The following PARP8 variants were observed in gnomAD, a reference collection of about 807,000 sequenced individuals.
PARP8 encodes the protein poly(ADP-ribose) polymerase family member 8.
In PARP8, 51 loss-of-function variants were observed where a neutral mutation model predicts 124.1. The ratio of observed to expected loss-of-function variants is 0.41; its 90% CI spans 0.33 to 0.52. The LOEUF (loss-of-function observed/expected upper bound fraction) is 0.52. Ranked by LOEUF, PARP8 falls within the 20% of genes least tolerant of loss-of-function variation. The pLI is 0.21. For missense variants in PARP8, 860 were observed against 1,018.9 expected (o/e 0.84, Z 2.12); for synonymous variants, 391 against 361.5 (o/e 1.08, Z -0.93).
intron 2 of PARP8, among the ~76,000 whole-genome samples, chr5:50,681,114 A>G (rs1321815942): frequency 6.6e-6 from 1 of 152,198 alleles, no homozygotes. Context: ...ATTTATTACC[A>G]TGGATATAAC....
intron 3 of PARP8, among the ~76,000 whole-genome samples, chr5:50,754,389 T>G (rs1206654855): frequency 1.3e-5 from 2 of 151,644 alleles, no homozygotes; most frequent in Non-Finnish European, 2.9e-5. Flanking sequence ...TGTGCCCATG[T>G]GTTCTCATTG....
rs1226367103 is a variant in PARP8, at chr5:50,709,949, T to TAC, written c.147-40201_147-40200insCA. On this transcript the variant is annotated intron_variant, in intron 2 of 25. Transcript: ENST00000281631. ...ATATATATATATATATATATATATATATATATACACATACATATATACACA... is the reference window on the plus strand; with the variant it reads ...ATATATATATATATATATATATATATACATATATACACATACATATATACACA... Among the ~76,000 whole-genome samples the TAC allele has an allele frequency of 1.5e-3, 151 of 100,378 alleles. 1 individual carries two copies. Among genetic ancestry groups the TAC allele is most frequent in the Middle Eastern group, 4.8e-3 (1 of 210 alleles). 65.9% of individuals were successfully genotyped at this position (100,378 alleles called of 152,430 possible). A position where few individuals can be genotyped will look rare whatever the true frequency, so the allele number is the denominator to read the frequency against.
chr5:50,753,164 G>A (rs370339557), intron 3 of PARP8, among the ~76,000 whole-genome samples: 1 of 151,834 alleles, frequency 6.6e-6, no homozygotes, highest in South Asian at 2.1e-4. Context: ...TTACACAATA[G>A]TTGTGTATAT....
chr5:50,788,426 A>G (rs1561381129), intron 9 of PARP8, 97 bp from the exon 10 acceptor site: 1 of 996,292 alleles, frequency 1.0e-6, no homozygotes, highest in Admixed American at 1.9e-5. Flanking sequence ...GTGTATATGT[A>G]TATGCACATA....
At chr5:50,813,829 A>G (rs2149686800) in intron 14 of PARP8, among the ~76,000 whole-genome samples, 1 of 152,212 alleles carries the variant, frequency 6.6e-6, no homozygotes, top group Middle Eastern at 3.4e-3. Context: ...ATGTACACGC[A>G]CACAGACACG....
chr5:50,725,802 A>G (rs1304717547), intron 2 of PARP8, among the ~76,000 whole-genome samples: 1 of 152,192 alleles, frequency 6.6e-6, no homozygotes, highest in Non-Finnish European at 1.5e-5. Flanking sequence ...TCTAAAATAT[A>G]ATCAGTGTGT....
At chr5:50,746,190 G>A (rs1262298914) in intron 2 of PARP8, among the ~76,000 whole-genome samples, 1 of 152,076 alleles carries the variant, frequency 6.6e-6, no homozygotes, top group Middle Eastern at 3.2e-3. Context: ...CATAATCTCT[G>A]ATTCCATTTA....
intron 3 of PARP8, among the ~76,000 whole-genome samples, chr5:50,757,466 C>A (rs1760091703): frequency 6.6e-6 from 1 of 151,984 alleles, no homozygotes; most frequent in Non-Finnish European, 1.5e-5. Context: ...TCTGATCTGG[C>A]CTATTATGTA....
At chr5:50,840,488 T>TA (rs925716708) in intron 25 of PARP8, among the ~76,000 whole-genome samples, 4 of 151,786 alleles carry the variant, frequency 2.6e-5, no homozygotes, top group Non-Finnish European at 4.4e-5. Flanking sequence ...ATGGAGAGCA[T>TA]AAAAAATAGC....
At chr5:50,707,219 G>A (rs746419010) in intron 2 of PARP8, among the ~76,000 whole-genome samples, 27 of 152,054 alleles carry the variant, frequency 1.8e-4, no homozygotes, top group Non-Finnish European at 3.8e-4. Context: ...CAATTCTTTA[G>A]ATACAGTATA....
intron 2 of PARP8, among the ~76,000 whole-genome samples, chr5:50,726,603 T>C (rs963482134): frequency 6.6e-6 from 1 of 152,172 alleles, no homozygotes; most frequent in Non-Finnish European, 1.5e-5. Context: ...ACAGCGATGA[T>C]TGAGGAAATT....
chr5:50,767,436 G>A lies in PARP8; in HGVS notation c.518+4194G>A, dbSNP rs1207827964. On this transcript the variant is annotated intron_variant, in intron 7 of 25. Transcript: ENST00000281631. ...GGAGGCACAGAGGGGAAAGAAAGGAGAGAGCATTTTCCCAAACCACGGGGA... is the reference window on the plus strand; with the variant it reads ...GGAGGCACAGAGGGGAAAGAAAGGAAAGAGCATTTTCCCAAACCACGGGGA... 2.0e-5 allele frequency among the ~76,000 whole-genome samples: 3 copies of A among 152,172 alleles called. No individual in the cohort carries two copies. The East Asian group carries it at 5.8e-4, about 29-fold the overall frequency.
intron 2 of PARP8, among the ~76,000 whole-genome samples, chr5:50,697,997 T>C (rs1344987599): frequency 6.6e-6 from 1 of 152,208 alleles, no homozygotes; most frequent in African/African-American, 2.4e-5. Flanking sequence ...AGAAAAGCCT[T>C]CTGTCTCTCT....
intron 3 of PARP8, among the ~76,000 whole-genome samples, chr5:50,751,850 A>T (rs1759299599): frequency 6.6e-6 from 1 of 152,082 alleles, no homozygotes; most frequent in East Asian, 1.9e-4. Flanking sequence ...TAATATGATA[A>T]TGTTTTCCCC....
At chr5:50,751,307 C>T (rs1326182785) in intron 3 of PARP8, among the ~76,000 whole-genome samples, 3 of 152,080 alleles carry the variant, frequency 2.0e-5, no homozygotes, top group African/African-American at 7.2e-5. Context: ...TGCCAATATA[C>T]AAACATTGAA....
intron 18 of PARP8, 74 bp from the exon 19 acceptor site, chr5:50,826,681 G>C: frequency 6.7e-7 from 1 of 1,486,690 alleles, no homozygotes; most frequent in Non-Finnish European, 8.9e-7. Context: ...AGTTTTAATC[G>C]GTTGCCAACT....
chr5:50,820,687 G>T (rs1437007302), intron 15 of PARP8, among the ~76,000 whole-genome samples: 1 of 152,176 alleles, frequency 6.6e-6, no homozygotes, highest in African/African-American at 2.4e-5. Context: ...ACAGCTTCTC[G>T]CCAGATGGTC....
intron 2 of PARP8, among the ~76,000 whole-genome samples, chr5:50,681,565 A>G (rs1489909642): frequency 2.6e-5 from 4 of 152,144 alleles, no homozygotes; most frequent in Admixed American, 2.6e-4. Flanking sequence ...TAAATCATCT[A>G]GGAACTTCAT....
intron 21 of PARP8, 40 bp from the exon 22 acceptor site, chr5:50,829,852 T>A: frequency 1.3e-6 from 2 of 1,552,264 alleles, no homozygotes; most frequent in Non-Finnish European, 1.7e-6. Flanking sequence ...ATTTAAACCA[T>A]GAACAGACCT....
Sources: allele counts gnomAD v4.1 joint callset (sites outside exome capture counted in the v4.1 genomes callset), GRCh38; gene constraint gnomAD v4.1.1; transcripts MANE v1.5; gene names NCBI Gene and HGNC (gene_info 2026-07-23, HGNC 2026-07-21).